PCDH9: variants seen among roughly 807,000 people sequenced by gnomAD.
PCDH9 encodes protocadherin 9.
Under a neutral mutation model 70.6 loss-of-function variants are expected in PCDH9, and 24 were observed. The observed-to-expected ratio is 0.34, with a 90% CI of 0.25 to 0.48. The LOEUF is 0.48. Ranked by LOEUF, PCDH9 falls within the 20% of genes least tolerant of loss-of-function variation. PCDH9 has a pLI of 0.99. For synonymous variants in PCDH9, 562 were observed against 558.5 expected (o/e 1.01, Z -0.09); for missense variants, 1,281 against 1,503.6 (o/e 0.85, Z 2.45).
intron 3 of PCDH9, among the ~76,000 whole-genome samples, chr13:66,730,880 T>TTTTTTG (rs2079067287): frequency 6.6e-5 from 1 of 15,186 alleles, no homozygotes; most frequent in Non-Finnish European, 3.4e-4. Flanking sequence ...GTGTGTGTTT[T>TTTTTTG]TTTTTTGTTT....
chr13:67,162,050 G>GT (rs1555314075), intron 2 of PCDH9, among the ~76,000 whole-genome samples: 1 of 152,152 alleles, frequency 6.6e-6, no homozygotes, highest in Non-Finnish European at 1.5e-5. Flanking sequence ...TGGAAGTAGA[G>GT]TTTTTTGCTC....
chr13:66,772,354 C>T (rs555271785), intron 3 of PCDH9, among the ~76,000 whole-genome samples: 99 of 152,308 alleles, frequency 6.5e-4, no homozygotes, highest in Admixed American at 1.8e-3. Context: ...ACTTACATCT[C>T]ATTATCATGC....
At chr13:67,216,015 G>A (rs1346549032) in intron 2 of PCDH9, 1 of 152,182 alleles carries the variant, frequency 6.6e-6, no homozygotes, top group African/African-American at 2.4e-5. Context: ...AGGGCCATGT[G>A]AGGAACAATC....
chr13:67,201,479 C>G (rs2089210476), intron 2 of PCDH9: 1 of 151,832 alleles, frequency 6.6e-6, no homozygotes, highest in South Asian at 2.1e-4. Flanking sequence ...TACTTAAATT[C>G]CCATTCAACT....
At chr13:66,981,380 A>G (rs981092374) in intron 2 of PCDH9, among the ~76,000 whole-genome samples, 19 of 150,574 alleles carry the variant, frequency 1.3e-4, no homozygotes, top group Non-Finnish European at 2.2e-4. Flanking sequence ...GGAGGTTGCA[A>G]TGAGCCGAGA....
At chr13:66,532,012 G>T (rs1395482288) in intron 4 of PCDH9, among the ~76,000 whole-genome samples, 1 of 152,016 alleles carries the variant, frequency 6.6e-6, no homozygotes, top group African/African-American at 2.4e-5. Context: ...TGAGAGACAG[G>T]GTTTTGTTCT....
chr13:66,759,304 C>T (rs1053882370), intron 3 of PCDH9, among the ~76,000 whole-genome samples: 2 of 151,948 alleles, frequency 1.3e-5, no homozygotes, highest in Non-Finnish European at 2.9e-5. Flanking sequence ...AGTAAAGGTA[C>T]TCCAAATCTC....
At chr13:67,133,704 A>T (rs962780197) in intron 2 of PCDH9, among the ~76,000 whole-genome samples, 1 of 152,090 alleles carries the variant, frequency 6.6e-6, no homozygotes, top group Non-Finnish European at 1.5e-5. Flanking sequence ...TATCTAAATG[A>T]CTGCATTGCC....
At chr13:66,471,885 A>C (rs1299449460) in intron 4 of PCDH9, among the ~76,000 whole-genome samples, 2 of 152,154 alleles carry the variant, frequency 1.3e-5, no homozygotes. Context: ...TCCCCAAATT[A>C]CATTTGTTCA....
In PCDH9 at chr13:66,811,838, T is replaced by TGAG. The variant is rs1466638547; in HGVS notation, c.3138+91665_3138+91666insCTC. 2.0e-5 allele frequency among the ~76,000 whole-genome samples: 3 copies of TGAG among 151,062 alleles called. No individual in the cohort carries two copies. The East Asian group carries it at 5.8e-4, about 29-fold the overall frequency. On this transcript the variant is annotated intron_variant, in intron 3 of 4. Coordinates refer to ENST00000377865, the MANE Select transcript of PCDH9 (RefSeq NM_203487.3). ...CCTTTCTTCCTTTCTTTCTTTTCCT[T>TGAG]GGTTACAAAGTTTTTGACCCAAAAT...
chr13:66,871,226 T>C (rs1443122287), intron 3 of PCDH9, among the ~76,000 whole-genome samples: 1 of 103,206 alleles, frequency 9.7e-6, no homozygotes. Flanking sequence ...CATCACACTC[T>C]GGGGACTGTT....
At chr13:66,888,016 T>C (rs2082036276) in intron 3 of PCDH9, among the ~76,000 whole-genome samples, 1 of 152,232 alleles carries the variant, frequency 6.6e-6, no homozygotes, top group Non-Finnish European at 1.5e-5. Context: ...AAAGTCACTC[T>C]ATGATATATC....
chr13:67,147,170 C>T (rs879664731), intron 2 of PCDH9, among the ~76,000 whole-genome samples: 4 of 152,152 alleles, frequency 2.6e-5, no homozygotes, highest in Non-Finnish European at 5.9e-5. Context: ...TCATCATTTT[C>T]AGGCTTAACT....
chr13:66,409,195 T>A (rs1957330729), intron 4 of PCDH9, among the ~76,000 whole-genome samples: 1 of 152,174 alleles, frequency 6.6e-6, no homozygotes, highest in South Asian at 2.1e-4. Flanking sequence ...AAGAATTTTA[T>A]AAATATGAGA....
intron 3 of PCDH9, among the ~76,000 whole-genome samples, chr13:66,800,572 T>C (rs1651363363): frequency 6.6e-6 from 1 of 152,138 alleles, no homozygotes; most frequent in South Asian, 2.1e-4. Flanking sequence ...GCATTGTAGA[T>C]AGATGCTCAA....
In PCDH9 at chr13:66,385,888, C is replaced by T. The variant is rs116059927; in HGVS notation, c.3341-80860G>A. Among the ~76,000 whole-genome samples the T allele has an allele frequency of 9.4e-3, 1,432 of 151,650 alleles. 22 individuals are homozygous for T. The highest frequency in any genetic ancestry group is 0.033 in the African/African-American group (1,362 of 41,344). On this transcript the variant is annotated intron_variant, in intron 4 of 4. Transcript: ENST00000377865. ...AATAATATGTCAATCTTGAGAGAAACCATAGAATGTAAAAGCCTTCGGTGG... is the reference window on the plus strand; with the variant it reads ...AATAATATGTCAATCTTGAGAGAAATCATAGAATGTAAAAGCCTTCGGTGG...
rs74725348 is a variant in PCDH9 at position 66,581,033 on chromosome 13, A to G, written c.3340+50177T>C. Reference sequence around the variant, plus strand: ...TATTTCCACTGATATCCTTTCATTTATGAAGCTGTAATTCTTACATTAAAG... The same window carrying G: ...TATTTCCACTGATATCCTTTCATTTGTGAAGCTGTAATTCTTACATTAAAG... On this transcript the variant is annotated intron_variant, in intron 4 of 4. Transcript: ENST00000377865. Among the ~76,000 whole-genome samples, 1,404 of 152,254 alleles carry G rather than the reference A, an allele frequency of 9.2e-3. 4 individuals carry two copies. The highest frequency in any genetic ancestry group is 0.017 in the Non-Finnish European group (1,126 of 67,996).
At chr13:66,836,295 C>A (rs992137497) in intron 3 of PCDH9, among the ~76,000 whole-genome samples, 8 of 152,130 alleles carry the variant, frequency 5.3e-5, no homozygotes, top group Non-Finnish European at 1.0e-4. Context: ...AATTTGACGA[C>A]TGGAGATTCA....
In PCDH9 at chr13:66,929,141, C is replaced by T. The variant is rs575227791; in HGVS notation, c.3037-25536G>A. On this transcript the variant is annotated intron_variant, in intron 2 of 4. Transcript: ENST00000377865. ...TCCTCTTTAAAATTATACACAAAAA[C>T]ATAGAAACTTATGCTATCAAAATTA... is the stretch of plus-strand genomic sequence containing the variant. Among the ~76,000 whole-genome samples the T allele has an allele frequency of 1.2e-3, 177 of 151,990 alleles. 4 individuals carry two copies. Among genetic ancestry groups the T allele is most frequent in the African/African-American group, 4.0e-3 (167 of 41,504 alleles).
Sources: allele counts gnomAD v4.1 joint callset (sites outside exome capture counted in the v4.1 genomes callset), GRCh38; gene constraint gnomAD v4.1.1; transcripts MANE v1.5; gene names NCBI Gene and HGNC (gene_info 2026-07-23, HGNC 2026-07-21).